Variants in TIAM1 observed in about 807,000 individuals in gnomAD.
The protein encoded by TIAM1 is TIAM Rac1 associated GEF 1.
Under a neutral mutation model 163.5 loss-of-function variants are expected in TIAM1, and 65 were observed. The observed-to-expected ratio is 0.40, with a 90% CI of 0.33 to 0.49. The LOEUF is 0.49. Among genes scored for constraint, TIAM1 ranks in the 20% least tolerant of loss-of-function variants. TIAM1 has a pLI of 0.77. For synonymous variants in TIAM1, 833 were observed against 810.1 expected, an observed-to-expected ratio of 1.03 and a Z score of -0.48; for missense variants, 1,789 against 2,044.7, an observed-to-expected ratio of 0.87 and a Z score of 2.41.
At chr21:31,210,790 G>GAAAGAAAGAAAGAAAGA (rs2086836876) in intron 10 of TIAM1, among the ~76,000 whole-genome samples, 1 of 147,800 alleles carries the variant, frequency 6.8e-6, no homozygotes, top group Admixed American at 6.6e-5. Flanking sequence ...AAGAAAGAAA[G>GAAAGAAAGAAAGAAAGA]AAAGAAAGAA....
intron 9 of TIAM1, among the ~76,000 whole-genome samples, chr21:31,214,316 C>G (rs774374742): frequency 6.6e-6 from 1 of 151,460 alleles, no homozygotes; most frequent in African/African-American, 2.4e-5. Context: ...CAGACTGAGA[C>G]CTTGTCTCAA....
rs755900569 is a variant in TIAM1 at position 31,130,095 on chromosome 21, G to GAA, written c.4045+117_4045+118insTT. 2.5e-3 allele frequency: 1,450 copies of GAA among 571,480 alleles called. 6 individuals are homozygous for GAA. Among genetic ancestry groups the GAA allele is most frequent in the East Asian group, 4.6e-3 (132 of 28,542 alleles). The allele number at this position is 571,480 out of a possible 1,614,324, so 35.4% of individuals were successfully genotyped here. ...CGAGAGACAAGAGAGTTAAGCATAG[G>GAA]GAAAAAAAAAAAAAAAAGACGGTAG... is the stretch of plus-strand genomic sequence containing the variant. On this transcript the variant is annotated intron_variant, in intron 25 of 27. Coordinates refer to ENST00000541036, the MANE Select transcript of TIAM1 (RefSeq NM_001353694.2).
chr21:31,528,974 T>G (rs1326055570), intron 1 of TIAM1, among the ~76,000 whole-genome samples: 10 of 146,044 alleles, frequency 6.8e-5, no homozygotes, highest in Admixed American at 1.4e-4. Flanking sequence ...CAGGCTGGAG[T>G]GCAGTGGCGC....
At chr21:31,452,300 A>G (rs1182448548) in intron 2 of TIAM1, among the ~76,000 whole-genome samples, 1 of 152,216 alleles carries the variant, frequency 6.6e-6, no homozygotes, top group Non-Finnish European at 1.5e-5. Context: ...TTGGCCAGGC[A>G]TGGTGGCACA....
Position 31,171,035 on chromosome 21 carries a change from C to CAAAAAAAAAA in TIAM1, c.2888-5980_2888-5971dup, listed in dbSNP as rs34291568. On this transcript the variant is annotated intron_variant, in intron 15 of 27. Coordinates refer to ENST00000541036, the MANE Select transcript of TIAM1 (RefSeq NM_001353694.2). The stretch of plus-strand genomic sequence containing the variant: ...TGGGTGACAGAGTGAGACTCCATCT[C>CAAAAAAAAAA]AAAAAAAAAAAAAAAAAAAAAAAAA... Among the ~76,000 whole-genome samples, 31 of 19,568 alleles carry CAAAAAAAAAA rather than the reference C, an allele frequency of 1.6e-3. 2 individuals carry two copies. The highest frequency in any genetic ancestry group is 3.1e-3 in the African/African-American group (31 of 10,036). The allele number at this position is 19,568 out of a possible 152,430, so 12.8% of individuals were successfully genotyped here. A position where few individuals can be genotyped will look rare whatever the true frequency, so the allele number is the denominator to read the frequency against.
intron 15 of TIAM1, among the ~76,000 whole-genome samples, chr21:31,172,203 A>C (rs1033307196): frequency 1.3e-5 from 2 of 152,154 alleles, no homozygotes; most frequent in Non-Finnish European, 2.9e-5. Context: ...GGAAGAGGGA[A>C]TTCAAGTGGG....
At chr21:31,254,980 C>G (rs775266189) in intron 4 of TIAM1, among the ~76,000 whole-genome samples, 11 of 152,178 alleles carry the variant, frequency 7.2e-5, no homozygotes, top group Non-Finnish European at 1.3e-4. Flanking sequence ...ACATCTGTCT[C>G]TATTTAAACT....
At chr21:31,308,891 C>T (rs1044654092) in intron 2 of TIAM1, among the ~76,000 whole-genome samples, 1 of 152,070 alleles carries the variant, frequency 6.6e-6, no homozygotes, top group Non-Finnish European at 1.5e-5. Flanking sequence ...TGACAGCCTA[C>T]AGCAAACTAA....
intron 2 of TIAM1, among the ~76,000 whole-genome samples, chr21:31,412,017 C>A (rs7280200): frequency 0.23 from 35,448 of 151,796 alleles, 5,688 homozygotes; most frequent in African/African-American, 0.45. Context: ...ACAGTAGCAA[C>A]GATACAGAAT....
intron 2 of TIAM1, among the ~76,000 whole-genome samples, chr21:31,399,457 A>G (rs1602186532): frequency 6.6e-6 from 1 of 152,354 alleles, no homozygotes; most frequent in East Asian, 1.9e-4. Context: ...CAAGGCAAAG[A>G]AAGGAAATTG....
chr21:31,372,495 G>A (rs1411070826), intron 2 of TIAM1, among the ~76,000 whole-genome samples: 1 of 152,168 alleles, frequency 6.6e-6, no homozygotes, highest in African/African-American at 2.4e-5. Context: ...TAAGAACCAC[G>A]AGAGCAGTGG....
At chr21:31,411,471 C>CTTT (rs11362012) in intron 2 of TIAM1, among the ~76,000 whole-genome samples, 86 of 102,690 alleles carry the variant, frequency 8.4e-4, no homozygotes, top group African/African-American at 2.4e-3. Flanking sequence ...TCCCAAGAAA[C>CTTT]TTTTTTTTTT....
intron 2 of TIAM1, among the ~76,000 whole-genome samples, chr21:31,384,164 G>A (rs890835387): frequency 2.6e-5 from 4 of 151,726 alleles, no homozygotes; most frequent in South Asian, 2.1e-4. Flanking sequence ...TGGGCACCTC[G>A]TAAGTTTAAT....
chr21:31,522,052 T>C (rs1381105431), intron 1 of TIAM1, among the ~76,000 whole-genome samples: 1 of 151,874 alleles, frequency 6.6e-6, no homozygotes, highest in Non-Finnish European at 1.5e-5. Flanking sequence ...TTTGTATTTT[T>C]AGTAGAGACA....
chr21:31,486,495 C>A (rs2046277138), intron 1 of TIAM1, among the ~76,000 whole-genome samples: 1 of 152,250 alleles, frequency 6.6e-6, no homozygotes, highest in Admixed American at 6.5e-5. Flanking sequence ...CCTTGGGCAG[C>A]AAGATTTACA....
At chr21:31,369,235 G>GAAA (rs1555958172) in intron 2 of TIAM1, among the ~76,000 whole-genome samples, 10 of 139,426 alleles carry the variant, frequency 7.2e-5, no homozygotes, top group African/African-American at 2.7e-4. Context: ...CAAAAAAAAA[G>GAAA]AAAGAAAGAA....
chr21:31,485,686 A>T (rs1214917617), intron 1 of TIAM1, among the ~76,000 whole-genome samples: 1 of 152,118 alleles, frequency 6.6e-6, no homozygotes, highest in East Asian at 1.9e-4. Flanking sequence ...AGGGGCTTGT[A>T]CGGCTTGTGT....
rs771791566 is a variant in TIAM1 at position 31,124,553 on chromosome 21, C to A, written c.4275G>T (p.Leu1425=). 1.2e-6 allele frequency: 2 copies of A among 1,613,640 alleles called. No individual in the cohort carries two copies. Among genetic ancestry groups the A allele is most frequent in the Non-Finnish European group, 1.7e-6 (2 of 1,179,986 alleles). ...VPFGGKRLCA[L]KGARPAMSRA... is the part of the protein sequence containing the mutation. The stretch of plus-strand genomic sequence containing the variant: ...TGCTCATGGCCGGCCTGGCCCCCTT[C>A]AGTGCACACAATCTTTTGCCTCCAA... Residue 1425 remains leucine, a synonymous_variant, in exon 27 of 28, where the codon CTG becomes CTT. Transcript: ENST00000541036.
At chr21:31,500,095 A>G (rs1189716923) in intron 1 of TIAM1, among the ~76,000 whole-genome samples, 3 of 149,970 alleles carry the variant, frequency 2.0e-5, no homozygotes, top group African/African-American at 7.4e-5. Flanking sequence ...AACCCAGGAG[A>G]CAGAGGTTGC....
Sources: allele counts gnomAD v4.1 joint callset (sites outside exome capture counted in the v4.1 genomes callset), GRCh38; gene constraint gnomAD v4.1.1; transcripts MANE v1.5; gene names NCBI Gene and HGNC (gene_info 2026-07-23, HGNC 2026-07-21).